ADAM29: variants seen among roughly 807,000 people sequenced by gnomAD.
ADAM29 encodes disintegrin and metalloproteinase domain-containing protein 29.
For missense variants in ADAM29, 969 were observed against 1,001.8 expected (o/e 0.97, Z 0.44); for synonymous variants, 367 against 342.3 (o/e 1.07, Z -0.80).
intron 1 of ADAM29, among the ~76,000 whole-genome samples, chr4:174,919,640 C>A (rs1302626188): frequency 6.6e-6 from 1 of 152,160 alleles, no homozygotes; most frequent in Non-Finnish European, 1.5e-5. Flanking sequence ...CCCCTCTTTA[C>A]TGGCAGCTTT....
chr4:174,956,025 T>C (rs4404521), intron 4 of ADAM29, among the ~76,000 whole-genome samples: 63,620 of 151,876 alleles, frequency 0.42, 13,877 homozygotes, highest in African/African-American at 0.54. Context: ...AGACTATATG[T>C]TTTAGACGAG....
intron 4 of ADAM29, among the ~76,000 whole-genome samples, chr4:174,943,231 C>T (rs1303973953): frequency 1.3e-5 from 2 of 152,128 alleles, no homozygotes; most frequent in African/African-American, 4.8e-5. Flanking sequence ...ATCTTCCTGT[C>T]TTTTTCTAAG....
At chr4:174,931,852 A>G (rs567349173) in intron 3 of ADAM29, among the ~76,000 whole-genome samples, 14 of 152,186 alleles carry the variant, frequency 9.2e-5, no homozygotes, top group Non-Finnish European at 1.8e-4. Flanking sequence ...ACATACACAC[A>G]GTGAGAGGGA....
intron 4 of ADAM29, among the ~76,000 whole-genome samples, chr4:174,958,223 C>A (rs916077849): frequency 2.8e-5 from 4 of 144,928 alleles, no homozygotes; most frequent in African/African-American, 7.9e-5. Flanking sequence ...TTTTTGCCTG[C>A]TCCATGTCAA....
At chr4:174,925,147 GA>G (rs1743430575) in intron 2 of ADAM29, among the ~76,000 whole-genome samples, 1 of 152,284 alleles carries the variant, frequency 6.6e-6, no homozygotes, top group Non-Finnish European at 1.5e-5. Context: ...CAAAGAAGCT[GA>G]AAAAGACATG....
At chr4:174,948,235 C>T (rs1350800583) in intron 4 of ADAM29, among the ~76,000 whole-genome samples, 3 of 152,206 alleles carry the variant, frequency 2.0e-5, no homozygotes, top group Non-Finnish European at 4.4e-5. Flanking sequence ...AGAAGACAAT[C>T]TGGCTTTTTG....
At chr4:174,929,538 A>C (rs1743724055) in intron 2 of ADAM29, among the ~76,000 whole-genome samples, 1 of 152,044 alleles carries the variant, frequency 6.6e-6, no homozygotes, top group Non-Finnish European at 1.5e-5. Flanking sequence ...CCCGCCTCGC[A>C]GTTTGAATCC....
At chr4:174,964,368 T>TGCCA (rs1441857475) in intron 4 of ADAM29, among the ~76,000 whole-genome samples, 1 of 152,078 alleles carries the variant, frequency 6.6e-6, no homozygotes, top group East Asian at 1.9e-4. Flanking sequence ...AAACCAAACC[T>TGCCA]GCCAACACTT....
In ADAM29 at chr4:174,965,484, C is replaced by CATCTATCTATCTATCT. The variant is rs60063978; in HGVS notation, c.-180-9838_-180-9823dup. On this transcript the variant is annotated intron_variant, in intron 4 of 4. Transcript: ENST00000359240. ...AGAAACCACATCAAGCTCTATCTAT[C>CATCTATCTATCTATCT]ATCTATCTATCTATCTATCTATCTA... is the stretch of plus-strand genomic sequence containing the variant. Among the ~76,000 whole-genome samples, 85 of 147,200 alleles carry CATCTATCTATCTATCT rather than the reference C, an allele frequency of 5.8e-4. 1 individual carries two copies. The highest frequency in any genetic ancestry group is 9.5e-4 in the African/African-American group (38 of 39,904).
chr4:174,968,771 C>CCACACACACA (rs36211576), intron 4 of ADAM29, among the ~76,000 whole-genome samples: 21 of 148,686 alleles, frequency 1.4e-4, no homozygotes, highest in Non-Finnish European at 2.7e-4. Flanking sequence ...CACTTTCCGC[C>CCACACACACA]CACACACACA....
At chr4:174,922,107 A>G (rs945433312) in intron 2 of ADAM29, among the ~76,000 whole-genome samples, 48 of 152,328 alleles carry the variant, frequency 3.2e-4, no homozygotes, top group Admixed American at 1.4e-3. Flanking sequence ...AATATTTCCA[A>G]TATGAAGACA....
intron 4 of ADAM29, among the ~76,000 whole-genome samples, chr4:174,974,408 G>A (rs1348865465): frequency 6.6e-6 from 1 of 152,168 alleles, no homozygotes; most frequent in Admixed American, 6.6e-5. Flanking sequence ...AAGGTCACTA[G>A]TCAGAATTTT....
chr4:174,969,472 T>C (rs1271477149), intron 4 of ADAM29, among the ~76,000 whole-genome samples: 1 of 151,940 alleles, frequency 6.6e-6, no homozygotes, highest in Non-Finnish European at 1.5e-5. Context: ...GAAAAAAATT[T>C]TTAGAGGAAG....
chr4:174,969,902 A>G (rs971316043), intron 4 of ADAM29, among the ~76,000 whole-genome samples: 5 of 152,036 alleles, frequency 3.3e-5, no homozygotes, highest in African/African-American at 9.7e-5. Flanking sequence ...CTCTGGAATA[A>G]TTTCTTAAAA....
intron 4 of ADAM29, among the ~76,000 whole-genome samples, chr4:174,971,713 G>T (rs1273195025): frequency 2.0e-5 from 3 of 152,020 alleles, no homozygotes; most frequent in African/African-American, 4.8e-5. Flanking sequence ...GGGAACTTTT[G>T]GGCTTCATGG....
At position 174,965,740 on chromosome 4, in the gene ADAM29, C is replaced by T. The variant is rs182269653; in HGVS notation, c.-180-9606C>T. Reference sequence around the variant, plus strand: ...TGTCTGTATTTCAGAGGAGGAGAGACGTGGTGTCCTCATCCTCTTATAAAG... The same window carrying T: ...TGTCTGTATTTCAGAGGAGGAGAGATGTGGTGTCCTCATCCTCTTATAAAG... On this transcript the variant is annotated intron_variant, in intron 4 of 4. Transcript: ENST00000359240. Among the ~76,000 whole-genome samples, 26 of 151,616 alleles carry T rather than the reference C, an allele frequency of 1.7e-4. No individual in the cohort carries two copies. The East Asian group carries it at 2.1e-3, about 12-fold the overall frequency.
intron 4 of ADAM29, among the ~76,000 whole-genome samples, chr4:174,967,814 T>C (rs561780104): frequency 6.6e-6 from 1 of 152,300 alleles, no homozygotes; most frequent in African/African-American, 2.4e-5. Context: ...TGTTGGGTGG[T>C]TAAGACAAAA....
At chr4:174,958,983 A>ATTG (rs71595449) in intron 4 of ADAM29, among the ~76,000 whole-genome samples, 63,148 of 151,352 alleles carry the variant, frequency 0.42, 13,710 homozygotes, top group African/African-American at 0.53. Context: ...ACCTAAATGT[A>ATTG]TTATTAGTAT....
intron 4 of ADAM29, among the ~76,000 whole-genome samples, chr4:174,944,833 T>C (rs1310674899): frequency 6.6e-6 from 1 of 152,204 alleles, no homozygotes; most frequent in African/African-American, 2.4e-5. Flanking sequence ...CCTCCAGCTC[T>C]GCCTATGTGT....
Sources: allele counts gnomAD v4.1 joint callset (sites outside exome capture counted in the v4.1 genomes callset), GRCh38; gene constraint gnomAD v4.1.1; transcripts MANE v1.5; gene names NCBI Gene and HGNC (gene_info 2026-07-23, HGNC 2026-07-21).